The following SHB variants were observed in gnomAD, a reference collection of about 807,000 sequenced individuals.
SHB encodes the protein SH2 domain-containing adapter protein B.
SHB carries 20 observed loss-of-function variants against 52.3 expected under a neutral mutation model. The ratio of observed to expected loss-of-function variants is 0.38; its 90% CI spans 0.27 to 0.56. The LOEUF is 0.56. Among genes scored for constraint, SHB ranks in the 20% least tolerant of loss-of-function variants. SHB has a pLI of 0.71. For synonymous variants in SHB, 397 were observed against 316.5 expected (o/e 1.25, Z -2.70); for missense variants, 825 against 723.3 (o/e 1.14, Z -1.61).
chr9:37,987,662 T>A (rs1283790595), intron 2 of SHB, among the ~76,000 whole-genome samples: 2 of 152,194 alleles, frequency 1.3e-5, no homozygotes, highest in Non-Finnish European at 2.9e-5. Flanking sequence ...CCCTGCCCTC[T>A]AGCCCTGAGG....
intron 4 of SHB, among the ~76,000 whole-genome samples, chr9:37,951,220 G>C (rs1832563131): frequency 6.6e-6 from 1 of 152,222 alleles, no homozygotes; most frequent in Non-Finnish European, 1.5e-5. Flanking sequence ...CACCAAGCTG[G>C]ACATCCGGAG....
At chr9:38,053,665 A>G (rs1046604113) in intron 1 of SHB, among the ~76,000 whole-genome samples, 3 of 152,164 alleles carry the variant, frequency 2.0e-5, no homozygotes, top group Non-Finnish European at 4.4e-5. Context: ...ACCCACCAAG[A>G]TAAGGATAGG....
intron 2 of SHB, among the ~76,000 whole-genome samples, chr9:37,996,798 T>C (rs543528261): frequency 1.7e-4 from 26 of 152,358 alleles, no homozygotes; most frequent in Middle Eastern, 3.4e-3. Flanking sequence ...TACCCCAATG[T>C]AGCACTAATT....
chr9:37,941,599 C>A (rs1001213556), intron 5 of SHB, among the ~76,000 whole-genome samples: 1 of 152,180 alleles, frequency 6.6e-6, no homozygotes. Context: ...CAGTACTGTA[C>A]CTGAGCTGCA....
chr9:37,962,373 C>T (rs1396316807), intron 3 of SHB, among the ~76,000 whole-genome samples: 1 of 152,204 alleles, frequency 6.6e-6, no homozygotes, highest in African/African-American at 2.4e-5. Context: ...GGATGCTCAA[C>T]ATCAGTTGAA....
intron 5 of SHB, among the ~76,000 whole-genome samples, chr9:37,941,913 G>A (rs1832439113): frequency 6.6e-6 from 1 of 152,172 alleles, no homozygotes; most frequent in East Asian, 1.9e-4. Flanking sequence ...GATAGATGAG[G>A]GGAGAGCAGC....
intron 1 of SHB, among the ~76,000 whole-genome samples, chr9:38,026,094 C>T (rs981167064): frequency 1.3e-4 from 20 of 152,316 alleles, no homozygotes; most frequent in African/African-American, 3.1e-4. Flanking sequence ...GGCTTTCTCA[C>T]GGTAACGTAA....
At chr9:37,963,651 A>G (rs1377019584) in intron 3 of SHB, among the ~76,000 whole-genome samples, 1 of 151,980 alleles carries the variant, frequency 6.6e-6, no homozygotes, top group Non-Finnish European at 1.5e-5. Context: ...GAGTGGGGAG[A>G]GCTGAGGTGG....
intron 5 of SHB, among the ~76,000 whole-genome samples, chr9:37,932,607 GTTAAT>G (rs1209308320): frequency 6.7e-6 from 1 of 149,042 alleles, no homozygotes; most frequent in African/African-American, 2.5e-5. Flanking sequence ...TGAGGGATAT[GTTAAT>G]TTGTTTCACT....
intron 3 of SHB, among the ~76,000 whole-genome samples, chr9:37,966,272 A>G (rs1260809252): frequency 6.6e-6 from 1 of 152,252 alleles, no homozygotes; most frequent in Non-Finnish European, 1.5e-5. Flanking sequence ...CAAACAGAAG[A>G]GCAAAAGTAT....
chr9:38,067,831 G>T, intron 1 of SHB, 98 bp downstream of exon 1: 1 of 1,278,704 alleles, frequency 7.8e-7, no homozygotes, highest in Non-Finnish European at 1.0e-6. Context: ...CTAGGCCGAA[G>T]CTGAAGTAGA....
Position 38,022,507 on chromosome 9 carries a change from G to A in SHB, c.718-6376C>T, listed in dbSNP as rs371018989. On this transcript the variant is annotated intron_variant, in intron 1 of 5. Coordinates refer to ENST00000377707, the MANE Select transcript of SHB (RefSeq NM_003028.3). Reference sequence around the variant, plus strand: ...CCTGGCCCTCTCCCCAGCTCTGAGGGTCAGGAGGGCTCCTTGAAGGTGAGC... The same window carrying A: ...CCTGGCCCTCTCCCCAGCTCTGAGGATCAGGAGGGCTCCTTGAAGGTGAGC... 3.5e-3 allele frequency among the ~76,000 whole-genome samples: 528 copies of A among 152,296 alleles called. 4 individuals carry two copies. The highest frequency in any genetic ancestry group is 6.2e-3 in the Admixed American group (95 of 15,304).
intron 1 of SHB, among the ~76,000 whole-genome samples, chr9:38,034,111 C>T (rs1821452321): frequency 6.6e-6 from 1 of 152,226 alleles, no homozygotes; most frequent in South Asian, 2.1e-4. Context: ...CACTTCCCAT[C>T]TGCCTGGTGA....
chr9:38,046,399 G>A (rs1348425473), intron 1 of SHB, among the ~76,000 whole-genome samples: 4 of 152,214 alleles, frequency 2.6e-5, no homozygotes, highest in African/African-American at 4.8e-5. Context: ...CTCTGTGTTA[G>A]ACACATAAGA....
At chr9:38,051,982 G>A (rs1335386196) in intron 1 of SHB, among the ~76,000 whole-genome samples, 4 of 152,126 alleles carry the variant, frequency 2.6e-5, no homozygotes, top group Admixed American at 1.3e-4. Context: ...TCAGCATCCC[G>A]CGTTGGCTCA....
intron 5 of SHB, among the ~76,000 whole-genome samples, chr9:37,924,791 TG>T (rs1832228224): frequency 6.6e-6 from 1 of 152,240 alleles, no homozygotes; most frequent in South Asian, 2.1e-4. Flanking sequence ...GAATGATCAC[TG>T]TTTACAGATG....
intron 1 of SHB, among the ~76,000 whole-genome samples, chr9:38,047,493 C>A (rs533086093): frequency 6.6e-6 from 1 of 152,236 alleles, no homozygotes. Flanking sequence ...CTGCCTGCCT[C>A]CAACAGGGAA....
chr9:37,925,000 G>A (rs1217487220), intron 5 of SHB, among the ~76,000 whole-genome samples: 1 of 152,202 alleles, frequency 6.6e-6, no homozygotes, highest in Non-Finnish European at 1.5e-5. Flanking sequence ...GAGAACTGGA[G>A]GTTAAGAATC....
chr9:37,973,449 C>T (rs906679525), intron 3 of SHB, among the ~76,000 whole-genome samples: 23 of 152,166 alleles, frequency 1.5e-4, no homozygotes, highest in African/African-American at 5.6e-4. Flanking sequence ...TCTCGAACTC[C>T]CAACCTCAGG....
Sources: gnomAD v4.1 joint callset for allele counts (sites outside exome capture counted in the v4.1 genomes callset) on GRCh38, gnomAD v4.1.1 for gene constraint, MANE v1.5 for transcripts, NCBI Gene and HGNC (gene_info 2026-07-23, HGNC 2026-07-21) for gene names.